The following NCAN variants were observed in gnomAD, a reference collection of about 807,000 sequenced individuals.
The protein encoded by NCAN is neurocan.
NCAN carries 47 observed loss-of-function variants against 121.8 expected under a neutral mutation model. The observed-to-expected ratio is 0.39, with a 90% CI of 0.31 to 0.49. The LOEUF is 0.49. Ranked by LOEUF, NCAN falls within the 20% of genes least tolerant of loss-of-function variation. NCAN has a pLI of 0.92. For synonymous variants in NCAN, 633 were observed against 702.0 expected, an observed-to-expected ratio of 0.90 and a Z score of 1.55; for missense variants, 1,517 against 1,773.4, an observed-to-expected ratio of 0.86 and a Z score of 2.60.
chr19:19,224,896 A>G, intron 5 of NCAN, 81 bp from the exon 6 acceptor site: 4 of 1,226,024 alleles, frequency 3.3e-6, no homozygotes, highest in Non-Finnish European at 4.3e-6. Context: ...CCAGGTCGGA[A>G]CTATTTGGAG....
chr19:19,217,087 T>G lies in NCAN; in HGVS notation c.73+61T>G, dbSNP rs45519443. The G allele has an allele frequency of 5.4e-3, 6,537 of 1,218,714 alleles. 21 individuals are homozygous for G. Among genetic ancestry groups the G allele is most frequent in the Non-Finnish European group, 6.3e-3 (5,906 of 937,134 alleles). 75.5% of individuals were successfully genotyped at this position (1,218,714 alleles called of 1,614,324 possible). A position where few individuals can be genotyped will look rare whatever the true frequency, so the allele number is the denominator to read the frequency against. On this transcript the variant is annotated intron_variant, in intron 2 of 14. Transcript: ENST00000252575. ...TAGGGGATGGACAAGATGGGGCAGC[T>G]TTTGAATTCCAGAGCCTTCTCCTGC...
At position 19,225,620 on chromosome 19, in the gene NCAN, C is replaced by T. The variant is rs951798216; in HGVS notation, c.1072+350C>T. Among the ~76,000 whole-genome samples the T allele has an allele frequency of 6.6e-6, 1 of 152,234 alleles. No individual in the cohort carries two copies. Among genetic ancestry groups the T allele is most frequent in the Admixed American group, 6.5e-5 (1 of 15,284 alleles). On this transcript the variant is annotated intron_variant, in intron 6 of 14. Coordinates refer to ENST00000252575, the MANE Select transcript of NCAN (RefSeq NM_004386.3). The surrounding 1 kb of genome is among the most constrained non-coding windows in gnomAD (Gnocchi z 4.0). ...CTAGAGCCACGCCCATACGCAGAAA[C>T]ACCCCCGTGGAAGAGATAATGCCTC...
intron 13 of NCAN, among the ~76,000 whole-genome samples, chr19:19,245,686 C>T (rs992005086): frequency 1.2e-4 from 18 of 152,156 alleles, no homozygotes; most frequent in African/African-American, 4.1e-4. Context: ...CCATGTTGCC[C>T]AGGCTGGTCC....
chr19:19,246,383 T>C (rs2060924586), intron 13 of NCAN, among the ~76,000 whole-genome samples: 1 of 152,158 alleles, frequency 6.6e-6, no homozygotes, highest in African/African-American at 2.4e-5. Flanking sequence ...AGTTCTCACT[T>C]TCCACCAGCG....
chr19:19,238,068 A>G (rs1299946302), intron 10 of NCAN, among the ~76,000 whole-genome samples, 185 bp from the exon 11 acceptor site: 4 of 152,080 alleles, frequency 2.6e-5, no homozygotes, highest in South Asian at 2.1e-4. Flanking sequence ...AAAGAAGTCA[A>G]TATGGGAGGT....
intron 12 of NCAN, among the ~76,000 whole-genome samples, chr19:19,241,614 A>G (rs565487027): frequency 5.3e-4 from 81 of 151,986 alleles, no homozygotes; most frequent in Non-Finnish European, 1.0e-3. Flanking sequence ...AGGCGGGAGG[A>G]TCACTTAAGC....
intron 8 of NCAN, among the ~76,000 whole-genome samples, 159 bp downstream of exon 8, chr19:19,228,798 T>C (rs376330549): frequency 1.3e-5 from 2 of 152,164 alleles, no homozygotes; most frequent in East Asian, 1.9e-4. Context: ...TCAGGTGGAG[T>C]TGAATTTCAG....
At chr19:19,249,046 T>G in intron 14 of NCAN, 164 bp downstream of exon 14, 1 of 94,346 alleles carries the variant, frequency 1.1e-5, no homozygotes, top group Non-Finnish European at 1.8e-5. Context: ...TTCCTTCATT[T>G]GTGTGTGTGT....
At position 19,231,762 on chromosome 19, in the gene NCAN, T is replaced by A. The variant is rs1240975917; in HGVS notation, c.3020-2027T>A. Among the ~76,000 whole-genome samples, 4 of 152,040 alleles carry A rather than the reference T, an allele frequency of 2.6e-5. No individual in the cohort carries two copies. The East Asian group carries it at 7.8e-4, about 30-fold the overall frequency. ...TTGGGAGGCTGAGACGGAGGATCAC[T>A]TGAGCCCAGGAATTGGAGACCAGCC... On this transcript the variant is annotated intron_variant, in intron 8 of 14. Coordinates refer to ENST00000252575, the MANE Select transcript of NCAN (RefSeq NM_004386.3).
chr19:19,234,992 A>G lies in NCAN; in HGVS notation c.3146A>G (p.Asp1049Gly). ...TTCCCCTCTCTGCCAGACATTGATG[A>G]CTGCCTCTGCAGCCCCTGTGAGAAT... ...AGENCEIDID[D>G]CLCSPCENGG... Residue 1049 changes from aspartate to glycine, a missense_variant, in exon 10 of 15, where the codon GAC becomes GGC. Physicochemically the swap from Asp to Gly is moderately conservative, Grantham distance 94 (BLOSUM62 -1). Transcript: ENST00000252575. The G allele has an allele frequency of 6.2e-7, 1 of 1,609,186 alleles. No individual in the cohort carries two copies. Among genetic ancestry groups the G allele is most frequent in the Non-Finnish European group, 8.5e-7 (1 of 1,176,326 alleles).
intron 1 of NCAN, among the ~76,000 whole-genome samples, chr19:19,213,543 T>C (rs1030079919): frequency 6.6e-6 from 1 of 150,788 alleles, no homozygotes; most frequent in Non-Finnish European, 1.5e-5. Context: ...TGTGTGTCTT[T>C]GTGCAGAAGA....
At chr19:19,213,944 G>C (rs928734344) in intron 1 of NCAN, among the ~76,000 whole-genome samples, 2 of 152,046 alleles carry the variant, frequency 1.3e-5, no homozygotes, top group African/African-American at 4.8e-5. Context: ...CCCTGCTGAG[G>C]GTCACTCAGA....
intron 1 of NCAN, among the ~76,000 whole-genome samples, chr19:19,216,445 G>T (rs1265219006): frequency 1.3e-5 from 2 of 152,022 alleles, no homozygotes; most frequent in Non-Finnish European, 2.9e-5. Flanking sequence ...CTGAGTAGCT[G>T]GGATTACAGG....
Position 19,226,590 on chromosome 19 carries a change from A to C in NCAN, c.1177A>C (p.Thr393Pro), listed in dbSNP as rs754703736. ...EGPPVRELEP[T>P]LEEEEVVTPD... ...GCCCCCAGTTAGAGAACTGGAGCCC[A>C]CCCTGGAGGAGGAAGAGGTGGTCAC... The change falls in exon 7 of 15, where the codon ACC (threonine) becomes CCC (proline). Residue 393 changes from threonine (T) to proline (P), a missense_variant. Coordinates refer to ENST00000252575, the MANE Select transcript of NCAN (RefSeq NM_004386.3). 1 of 1,613,832 alleles carries C rather than the reference A, an allele frequency of 6.2e-7. No homozygotes were observed. The highest frequency in any genetic ancestry group is 2.2e-5 in the East Asian group (1 of 44,856).
chr19:19,219,019 C>G lies in NCAN; in HGVS notation c.178C>G (p.Leu60Val), dbSNP rs779328543. Residue 60 changes from leucine to valine, a missense_variant, in exon 3 of 15, where the codon CTC becomes GTC. Leu to Val is a conservative substitution (Grantham distance 32, BLOSUM62 1). Transcript: ENST00000252575. ...GGCGGAGCTGGTGGCCCTGCCCTGTCTCTTTACCCTGCAGCCACGGCCAAG... is the reference window on the plus strand; with the variant it reads ...GGCGGAGCTGGTGGCCCTGCCCTGTGTCTTTACCCTGCAGCCACGGCCAAG... ...ALAELVALPC[L>V]FTLQPRPSAA... 3.7e-6 allele frequency: 6 copies of G among 1,610,390 alleles called. No individual in the cohort carries two copies. The highest frequency in any genetic ancestry group is 5.1e-6 in the Non-Finnish European group (6 of 1,177,880).
At chr19:19,224,848 G>T in intron 5 of NCAN, 129 bp from the exon 6 acceptor site, 1 of 776,128 alleles carries the variant, frequency 1.3e-6, no homozygotes, top group Non-Finnish European at 1.9e-6. Context: ...GCACAGCTGC[G>T]GTTGTCACCG....
At chr19:19,214,161 G>T (rs895116253) in intron 1 of NCAN, among the ~76,000 whole-genome samples, 1 of 152,106 alleles carries the variant, frequency 6.6e-6, no homozygotes, top group Non-Finnish European at 1.5e-5. Flanking sequence ...TGCTAACGGA[G>T]ACTTGAGGTG....
At chr19:19,235,138 G>T (rs750854667) in intron 10 of NCAN, 42 bp downstream of exon 10, 7 of 1,417,302 alleles carry the variant, frequency 4.9e-6, no homozygotes, top group Non-Finnish European at 6.9e-6. Context: ...CCAAGAGTGG[G>T]GTTGGGTGCC....
chr19:19,244,519 A>G (rs1356404249), intron 12 of NCAN, among the ~76,000 whole-genome samples: 2 of 151,656 alleles, frequency 1.3e-5, no homozygotes, highest in African/African-American at 4.8e-5. Context: ...TTGTTGTCCA[A>G]GGTGGTCCCA....
Sources: gnomAD v4.1 joint callset for allele counts (sites outside exome capture counted in the v4.1 genomes callset) on GRCh38, gnomAD v4.1.1 for gene constraint, Gnocchi (gnomAD v3.1) non-coding constraint, MANE v1.5 for transcripts, NCBI Gene and HGNC (gene_info 2026-07-23, HGNC 2026-07-21) for gene names.